Variants in SPTBN1 observed in about 807,000 individuals in gnomAD.
SPTBN1 encodes spectrin beta chain, non-erythrocytic 1.
Under a neutral mutation model 266.4 loss-of-function variants are expected in SPTBN1, and 32 were observed. That is an observed-to-expected ratio of 0.12 (90% CI 0.09 to 0.16). The LOEUF (loss-of-function observed/expected upper bound fraction) is 0.16, where lower values mean the gene tolerates loss of function less well. Among genes scored for constraint, SPTBN1 ranks in the 10% least tolerant of loss-of-function variants. The pLI is 1.00. For missense variants in SPTBN1, 2,296 were observed against 3,067.1 expected, an observed-to-expected ratio of 0.75 and a Z score of 5.94; for synonymous variants, 1,336 against 1,162.2, an observed-to-expected ratio of 1.15 and a Z score of -3.04.
Position 54,628,092 on chromosome 2 carries a change from C to T in SPTBN1, c.1645-5C>T, listed in dbSNP as rs760794229. 2 of 1,605,006 alleles carry T rather than the reference C, an allele frequency of 1.2e-6. No individual in the cohort carries two copies. The highest frequency in any genetic ancestry group is 2.2e-5 in the South Asian group (2 of 89,654). ...GATGTCCTTTTGGTTGCTTCTTGTG[C>T]ACAGGTGCTAGTATTGTCTCAAGAC... is the stretch of plus-strand genomic sequence containing the variant. On this transcript the variant is annotated splice_region_variant and splice_polypyrimidine_tract_variant and intron_variant, in intron 12 of 35. Coordinates refer to ENST00000356805, the MANE Select transcript of SPTBN1 (RefSeq NM_003128.3). This position sits in a 1 kb window ranked among gnomAD's most constrained non-coding sequence, Gnocchi z 4.3.
At chr2:54,493,633 C>T (rs116412305) in intron 1 of SPTBN1, among the ~76,000 whole-genome samples, 6 of 152,248 alleles carry the variant, frequency 3.9e-5, no homozygotes, top group South Asian at 2.1e-4. Context: ...AACTCCTTGC[C>T]TCAAGTTATC....
Position 54,533,900 on chromosome 2 carries a change from T to TCTCA in SPTBN1, c.148+7335_148+7336insTCAC, listed in dbSNP as rs1671427483. ...ATTGATCTCTCTCTCTGTCTCTCTC[T>TCTCA]CACACACACACACACACACACACAC... On this transcript the variant is annotated intron_variant, in intron 2 of 35. Transcript: ENST00000356805. This position sits in a 1 kb window ranked among gnomAD's most constrained non-coding sequence, Gnocchi z 4.2. 6.7e-6 allele frequency among the ~76,000 whole-genome samples: 1 copy of TCTCA among 150,218 alleles called. No homozygotes were observed. The highest frequency in any genetic ancestry group is 2.5e-5 in the African/African-American group (1 of 40,816).
intron 2 of SPTBN1, among the ~76,000 whole-genome samples, chr2:54,594,771 C>T (rs971233709): frequency 1.9e-4 from 28 of 150,250 alleles, no homozygotes; most frequent in African/African-American, 6.6e-4. Flanking sequence ...AAGTGATTTA[C>T]ATAACTTCTA....
At chr2:54,655,326 G>A in intron 28 of SPTBN1, 118 bp downstream of exon 28, 1 of 1,303,958 alleles carries the variant, frequency 7.7e-7, no homozygotes. Flanking sequence ...ACACACATAT[G>A]TTTTAAAACT....
chr2:54,555,766 T>C (rs73934450), intron 2 of SPTBN1, among the ~76,000 whole-genome samples: 7,708 of 152,246 alleles, frequency 0.051, 584 homozygotes, highest in African/African-American at 0.17. Flanking sequence ...TGGTGCTGTT[T>C]CCTGGGCATC....
At chr2:54,610,572 G>GC (rs1244585048) in intron 3 of SPTBN1, among the ~76,000 whole-genome samples, 1 of 152,146 alleles carries the variant, frequency 6.6e-6, no homozygotes, top group Admixed American at 6.6e-5. Context: ...GCCAAACGCT[G>GC]CATTTTCAAT....
chr2:54,478,441 G>C lies in SPTBN1; in HGVS notation c.-48+21923G>C, dbSNP rs183606324. On this transcript the variant is annotated intron_variant, in intron 1 of 35. Coordinates refer to ENST00000356805, the MANE Select transcript of SPTBN1 (RefSeq NM_003128.3). ...GGAAGAGCAGTGTTTTCACATTACAGGGTGCAGCTCACAGTCAGAAAGATT... is the reference window on the plus strand; with the variant it reads ...GGAAGAGCAGTGTTTTCACATTACACGGTGCAGCTCACAGTCAGAAAGATT... Among the ~76,000 whole-genome samples the C allele has an allele frequency of 1.5e-3, 230 of 152,260 alleles. 1 individual carries two copies. The highest frequency in any genetic ancestry group is 3.4e-3 in the Middle Eastern group (1 of 294).
intron 3 of SPTBN1, among the ~76,000 whole-genome samples, chr2:54,610,944 ATAGGCATTTTAAG>A (rs1677165904): frequency 6.6e-6 from 1 of 152,242 alleles, no homozygotes; most frequent in African/African-American, 2.4e-5. Flanking sequence ...GATTAGCATC[ATAGGCATTTTAAG>A]TAGGCACTCA....
At position 54,584,168 on chromosome 2, in the gene SPTBN1, ATAT is replaced by A. The variant is rs1338823349; in HGVS notation, c.149-14920_149-14918del. Among the ~76,000 whole-genome samples the A allele has an allele frequency of 2.0e-5, 3 of 152,326 alleles. No homozygotes were observed. The South Asian group carries it at 6.2e-4, about 32-fold the overall frequency. Reference sequence around the variant, plus strand: ...CTATAAGGGACTCTTGCATTCAGTAATATTATATGGCCACTTTCCGAAGCCTGT... The same window carrying A: ...CTATAAGGGACTCTTGCATTCAGTAATATATGGCCACTTTCCGAAGCCTGT... On this transcript the variant is annotated intron_variant, in intron 2 of 35. Transcript: ENST00000356805.
Position 54,646,301 on chromosome 2 carries a change from A to G in SPTBN1, c.4692A>G (p.Arg1564=), listed in dbSNP as rs1310044295. 1.9e-6 allele frequency: 3 copies of G among 1,614,182 alleles called. No homozygotes were observed. The highest frequency in any genetic ancestry group is 4.5e-5 in the East Asian group (2 of 44,876). ...DSSSLSAEAI[R]QRLADLKQLW... ...GCAGCCTCAGCGCTGAGGCCATCAG[A>G]CAGAGGCTTGCCGACCTGAAGCAGC... Residue 1564 remains arginine, a synonymous_variant, in exon 23 of 36, where the codon AGA becomes AGG. Coordinates refer to ENST00000356805, the MANE Select transcript of SPTBN1 (RefSeq NM_003128.3). This position sits in a 1 kb window ranked among gnomAD's most constrained non-coding sequence, Gnocchi z 4.4.
At chr2:54,527,790 T>C (rs750647329) in intron 2 of SPTBN1, 3 of 152,220 alleles carry the variant, frequency 2.0e-5, no homozygotes, top group East Asian at 1.9e-4. Flanking sequence ...ACTGGCGTGA[T>C]TGATCATGAC....
chr2:54,501,546 G>A (rs1669268963), intron 1 of SPTBN1, among the ~76,000 whole-genome samples: 1 of 152,238 alleles, frequency 6.6e-6, no homozygotes. Flanking sequence ...GCAATTAAAT[G>A]CTAACCTGGC....
intron 1 of SPTBN1, among the ~76,000 whole-genome samples, chr2:54,475,972 G>C (rs1667803776): frequency 6.6e-6 from 1 of 152,098 alleles, no homozygotes; most frequent in African/African-American, 2.4e-5. Flanking sequence ...GTTCATTCTT[G>C]TTGTATGCTT....
chr2:54,670,577 A>T lies in SPTBN1; in HGVS notation c.*2008A>T, dbSNP rs1681652402. ...GGAATCAAGTTGTTCTATTCTCAAC[A>T]GACCAAAATGTTTAGTTAAGGCAAA... On this transcript the variant is annotated 3_prime_UTR_variant, in exon 36 of 36. Coordinates refer to ENST00000356805, the MANE Select transcript of SPTBN1 (RefSeq NM_003128.3). 2.5e-6 allele frequency: 1 copy of T among 397,814 alleles called. No individual in the cohort carries two copies. The highest frequency in any genetic ancestry group is 1.3e-4 in the South Asian group (1 of 7,474). 24.6% of individuals were successfully genotyped at this position (397,814 alleles called of 1,614,324 possible). A position where few individuals can be genotyped will look rare whatever the true frequency, so the allele number is the denominator to read the frequency against.
At chr2:54,635,414 C>T (rs966806733) in intron 17 of SPTBN1, among the ~76,000 whole-genome samples, 62 of 152,374 alleles carry the variant, frequency 4.1e-4, no homozygotes, top group Admixed American at 3.4e-3. Context: ...CACACCTGCG[C>T]ATAGATCGGT....
intron 2 of SPTBN1, among the ~76,000 whole-genome samples, chr2:54,570,148 C>T (rs1036073580): frequency 2.6e-5 from 4 of 152,168 alleles, no homozygotes; most frequent in Non-Finnish European, 4.4e-5. Context: ...TGTCAGAGAG[C>T]GCTCCTGTAG....
At chr2:54,456,938 A>C (rs1341840961) in intron 1 of SPTBN1, among the ~76,000 whole-genome samples, 3 of 139,526 alleles carry the variant, frequency 2.2e-5, no homozygotes, top group Non-Finnish European at 4.5e-5. Context: ...CGGAGCGGAC[A>C]GCGGACAGCC....
chr2:54,645,107 T>G lies in SPTBN1; in HGVS notation c.4270-122T>G. 2.1e-6 allele frequency: 2 copies of G among 949,812 alleles called. No individual in the cohort carries two copies. Among genetic ancestry groups the G allele is most frequent in the Non-Finnish European group, 3.2e-6 (2 of 627,676 alleles). 58.8% of individuals were successfully genotyped at this position (949,812 alleles called of 1,614,324 possible). A position where few individuals can be genotyped will look rare whatever the true frequency, so the allele number is the denominator to read the frequency against. ...AAAAGCAAGTCAGTGGCAAAATGTTTGAGTGGCTCCCATGGCTGGCTTTGC... is the reference window on the plus strand; with the variant it reads ...AAAAGCAAGTCAGTGGCAAAATGTTGGAGTGGCTCCCATGGCTGGCTTTGC... On this transcript the variant is annotated intron_variant, in intron 20 of 35. Coordinates refer to ENST00000356805, the MANE Select transcript of SPTBN1 (RefSeq NM_003128.3). This position sits in a 1 kb window ranked among gnomAD's most constrained non-coding sequence, Gnocchi z 4.3.
chr2:54,498,709 C>T (rs1164712349), intron 1 of SPTBN1, among the ~76,000 whole-genome samples: 1 of 152,152 alleles, frequency 6.6e-6, no homozygotes, highest in Non-Finnish European at 1.5e-5. Context: ...TCCCATGCAT[C>T]CATTGTCAAT....
Sources: allele counts gnomAD v4.1 joint callset (sites outside exome capture counted in the v4.1 genomes callset), GRCh38; gene constraint gnomAD v4.1.1; non-coding constraint Gnocchi (gnomAD v3.1); transcripts MANE v1.5; gene names NCBI Gene and HGNC (gene_info 2026-07-23, HGNC 2026-07-21).